Variants in MBD5 observed in about 807,000 individuals in gnomAD.
MBD5 encodes the protein methyl-CpG-binding domain protein 5.
A neutral mutation model predicts 117.3 loss-of-function variants in MBD5; 13 were observed. That is an observed-to-expected ratio of 0.11 (90% CI 0.07 to 0.18). MBD5 has a LOEUF of 0.18. Among genes scored for constraint, MBD5 ranks in the 10% least tolerant of loss-of-function variants. The pLI is 1.00. For synonymous variants in MBD5, 727 were observed against 766.4 expected (o/e 0.95, Z 0.85); for missense variants, 1,879 against 2,093.8 (o/e 0.90, Z 2.00).
At position 148,021,576 on chromosome 2, in the gene MBD5, C is replaced by T; in HGVS notation, c.-1033C>T. The T allele has an allele frequency of 1.9e-6, 1 of 527,854 alleles. No homozygotes were observed. Among genetic ancestry groups the T allele is most frequent in the Non-Finnish European group, 3.7e-6 (1 of 272,696 alleles). The allele number at this position is 527,854 out of a possible 1,614,324, so 32.7% of individuals were successfully genotyped here. On this transcript the variant is annotated 5_prime_UTR_variant, in exon 1 of 14. Coordinates refer to ENST00000642680, the MANE Select transcript of MBD5 (RefSeq NM_001378120.1). ...CACCCAGGAGCAGCCACTTCCCCAG[C>T]TCTCCTCCTCCTCCTTCGCCTCCTC...
intron 3 of MBD5, among the ~76,000 whole-genome samples, chr2:148,335,889 T>C (rs1251719127): frequency 3.3e-5 from 5 of 152,222 alleles, no homozygotes; most frequent in African/African-American, 1.2e-4. Flanking sequence ...ACTCAAAGAT[T>C]CAAATAAGTT....
intron 1 of MBD5, among the ~76,000 whole-genome samples, chr2:148,033,473 T>C (rs1239033031): frequency 6.6e-6 from 1 of 152,206 alleles, no homozygotes; most frequent in Non-Finnish European, 1.5e-5. Context: ...ATTATCTTCA[T>C]TTCAGGTTGA....
chr2:148,445,242 T>A (rs1706453287), intron 4 of MBD5, among the ~76,000 whole-genome samples: 1 of 151,168 alleles, frequency 6.6e-6, no homozygotes, highest in Non-Finnish European at 1.5e-5. Flanking sequence ...ACCCATTAAC[T>A]CGTCATTTAC....
At chr2:148,137,082 C>G (rs967886510) in intron 1 of MBD5, among the ~76,000 whole-genome samples, 3 of 152,020 alleles carry the variant, frequency 2.0e-5, no homozygotes, top group African/African-American at 7.2e-5. Flanking sequence ...TTAATTGAGT[C>G]TATTTCTACA....
intron 4 of MBD5, among the ~76,000 whole-genome samples, chr2:148,366,478 G>A (rs1423071725): frequency 1.3e-5 from 2 of 152,122 alleles, no homozygotes; most frequent in Non-Finnish European, 1.5e-5. Context: ...TCTGGCCAGG[G>A]CAGTCAGGCA....
At chr2:148,406,609 A>G (rs1271218939) in intron 4 of MBD5, among the ~76,000 whole-genome samples, 2 of 151,242 alleles carry the variant, frequency 1.3e-5, no homozygotes, top group African/African-American at 4.9e-5. Flanking sequence ...AAACATTATG[A>G]TGTCTAATAA....
In MBD5 at chr2:148,195,222, A is replaced by C. The variant is rs750601175; in HGVS notation, c.-831+16429A>C. Among the ~76,000 whole-genome samples, 44 of 152,208 alleles carry C rather than the reference A, an allele frequency of 2.9e-4. 1 individual carries two copies. Among genetic ancestry groups the C allele is most frequent in the Non-Finnish European group, 5.7e-4 (39 of 68,014 alleles). On this transcript the variant is annotated intron_variant, in intron 2 of 13. Transcript: ENST00000642680. ...AGGTTAAAAGTTAAAGGATGTGTTA[A>C]ATATACCATGCAAACACTAATAATC...
rs1386314139 is a variant in MBD5 at position 148,512,894 on chromosome 2, A to G, written c.5137A>G (p.Arg1713Gly). Reference protein sequence around the residue: ...GTVHQIPQGDRQMRPPKPKRR... With the variant: ...GTVHQIPQGDGQMRPPKPKRR... ...GGTACACCAAATCCCACAGGGTGAC[A>G]GACAAATGAGACCCCCCAAACCCAA... Residue 1713 changes from arginine to glycine, a missense_variant, in exon 14 of 14, where the codon AGA becomes GGA. Physicochemically the swap from Arg to Gly is moderately radical, Grantham distance 125 (BLOSUM62 -2). Coordinates refer to ENST00000642680, the MANE Select transcript of MBD5 (RefSeq NM_001378120.1). 1 of 1,613,930 alleles carries G rather than the reference A, an allele frequency of 6.2e-7. No individual in the cohort carries two copies. Among genetic ancestry groups the G allele is most frequent in the Non-Finnish European group, 8.5e-7 (1 of 1,179,854 alleles).
rs573623408 is a variant in MBD5 at position 148,047,724 on chromosome 2, A to G, written c.-925+26040A>G. On this transcript the variant is annotated intron_variant, in intron 1 of 13. Coordinates refer to ENST00000642680, the MANE Select transcript of MBD5 (RefSeq NM_001378120.1). ...AATGAAGTAATTGTAAAGAACAGCA[A>G]GCAACCACTTAGGATGAGAATACCT... 2.0e-5 allele frequency among the ~76,000 whole-genome samples: 3 copies of G among 152,356 alleles called. No homozygotes were observed. In the South Asian group the frequency reaches 6.2e-4, roughly 32 times the overall value.
intron 1 of MBD5, among the ~76,000 whole-genome samples, chr2:148,176,718 G>A (rs141722236): frequency 4.3e-4 from 66 of 151,940 alleles, no homozygotes; most frequent in Non-Finnish European, 7.5e-4. Flanking sequence ...AACAATTTTC[G>A]AAACTAAAAC....
chr2:148,251,313 A>G (rs925576407), intron 3 of MBD5, among the ~76,000 whole-genome samples: 5 of 152,138 alleles, frequency 3.3e-5, no homozygotes, highest in Non-Finnish European at 4.4e-5. Flanking sequence ...TGAATCGTTT[A>G]TTTCACTGAT....
At chr2:148,399,954 G>A (rs971616878) in intron 4 of MBD5, among the ~76,000 whole-genome samples, 13 of 152,078 alleles carry the variant, frequency 8.5e-5, no homozygotes, top group Admixed American at 2.6e-4. Context: ...GCTGGATTAC[G>A]TTTATTGATT....
At chr2:148,384,726 A>G (rs1275312939) in intron 4 of MBD5, among the ~76,000 whole-genome samples, 1 of 152,118 alleles carries the variant, frequency 6.6e-6, no homozygotes, top group African/African-American at 2.4e-5. Flanking sequence ...ACAAGGCTAC[A>G]GTAACCAAAA....
chr2:148,278,251 G>A (rs950944479), intron 3 of MBD5, among the ~76,000 whole-genome samples: 1 of 152,068 alleles, frequency 6.6e-6, no homozygotes, highest in Non-Finnish European at 1.5e-5. Flanking sequence ...GACTCTGATT[G>A]TTTGGCACTT....
intron 2 of MBD5, among the ~76,000 whole-genome samples, chr2:148,187,628 G>A (rs920918951): frequency 1.3e-5 from 2 of 151,884 alleles, no homozygotes; most frequent in Non-Finnish European, 2.9e-5. Context: ...ATGCAAACCA[G>A]AAGATAATGG....
chr2:148,053,457 A>G (rs1295571763), intron 1 of MBD5, among the ~76,000 whole-genome samples: 1 of 152,096 alleles, frequency 6.6e-6, no homozygotes, highest in Non-Finnish European at 1.5e-5. Context: ...GAGAATATAA[A>G]CATTTTATTA....
intron 4 of MBD5, among the ~76,000 whole-genome samples, chr2:148,356,506 A>G (rs1316591263): frequency 6.6e-6 from 1 of 152,156 alleles, no homozygotes; most frequent in Non-Finnish European, 1.5e-5. Flanking sequence ...TTAATTCATT[A>G]CTTTCCCCAT....
At chr2:148,504,233 A>G (rs571591508) in intron 12 of MBD5, among the ~76,000 whole-genome samples, 3 of 152,374 alleles carry the variant, frequency 2.0e-5, no homozygotes, top group African/African-American at 7.2e-5. Context: ...AGTAGAAAAT[A>G]CAAAACTAAC....
intron 3 of MBD5, among the ~76,000 whole-genome samples, chr2:148,335,619 C>T (rs1702766635): frequency 6.6e-6 from 1 of 151,854 alleles, no homozygotes; most frequent in Admixed American, 6.6e-5. Flanking sequence ...ACTCAGGAGC[C>T]TGAAGTGGGA....
Sources: gnomAD v4.1 joint callset for allele counts (sites outside exome capture counted in the v4.1 genomes callset) on GRCh38, gnomAD v4.1.1 for gene constraint, MANE v1.5 for transcripts, NCBI Gene and HGNC (gene_info 2026-07-23, HGNC 2026-07-21) for gene names.